Variants in PEAK1 observed in about 807,000 individuals in gnomAD.
PEAK1 encodes inactive tyrosine-protein kinase PEAK1.
In PEAK1, 54 loss-of-function variants were observed where a neutral mutation model predicts 124.7. The ratio of observed to expected loss-of-function variants is 0.43; its 90% CI spans 0.35 to 0.54. PEAK1 has a LOEUF of 0.54. Among genes scored for constraint, PEAK1 ranks in the 20% least tolerant of loss-of-function variants. The pLI, the probability that PEAK1 is intolerant of heterozygous loss-of-function variation, is 0.01. For missense variants in PEAK1, 2,046 were observed against 2,134.5 expected (o/e 0.96, Z 0.82); for synonymous variants, 719 against 760.0 (o/e 0.95, Z 0.89).
At chr15:77,413,086 T>TA (rs889137957) in intron 1 of PEAK1, among the ~76,000 whole-genome samples, 4 of 152,090 alleles carry the variant, frequency 2.6e-5, no homozygotes, top group Admixed American at 6.5e-5. Context: ...GAGGAAAATT[T>TA]AAAAAAGTAC....
chr15:77,386,825 C>T (rs568110027), intron 1 of PEAK1, among the ~76,000 whole-genome samples: 1 of 152,330 alleles, frequency 6.6e-6, no homozygotes, highest in East Asian at 1.9e-4. Context: ...GAACTGCAAA[C>T]TCATGCCTCG....
intron 5 of PEAK1, among the ~76,000 whole-genome samples, chr15:77,270,342 CCT>C (rs2061964725): frequency 6.6e-6 from 1 of 152,038 alleles, no homozygotes; most frequent in African/African-American, 2.4e-5. Flanking sequence ...TCAAATTGTC[CCT>C]GTTTGCAGAT....
At chr15:77,264,327 A>T (rs901733654) in intron 5 of PEAK1, among the ~76,000 whole-genome samples, 2 of 152,186 alleles carry the variant, frequency 1.3e-5, no homozygotes, top group Non-Finnish European at 2.9e-5. Context: ...CCCTGTTTGC[A>T]GATGACATGA....
At chr15:77,124,318 C>A (rs2052185233) in intron 9 of PEAK1, among the ~76,000 whole-genome samples, 1 of 152,218 alleles carries the variant, frequency 6.6e-6, no homozygotes, top group African/African-American at 2.4e-5. Context: ...TAAATCAAGT[C>A]TATGACCACA....
At chr15:77,170,053 T>A (rs1169630743) in intron 7 of PEAK1, among the ~76,000 whole-genome samples, 4 of 152,180 alleles carry the variant, frequency 2.6e-5, no homozygotes, top group Non-Finnish European at 5.9e-5. Flanking sequence ...TGATACCCGA[T>A]GATGTTTAGC....
At chr15:77,333,463 A>G (rs908524825) in intron 2 of PEAK1, 2 of 913,520 alleles carry the variant, frequency 2.2e-6, no homozygotes, top group African/African-American at 3.6e-5. Context: ...ACAACTATAT[A>G]AGCTTATCTA....
chr15:77,234,194 T>C (rs1238503948), intron 6 of PEAK1, among the ~76,000 whole-genome samples: 4 of 152,200 alleles, frequency 2.6e-5, no homozygotes, highest in Non-Finnish European at 5.9e-5. Flanking sequence ...CTGTAAACCT[T>C]ATGCATAAAA....
At chr15:77,333,402 T>C in intron 2 of PEAK1, 3 of 978,400 alleles carry the variant, frequency 3.1e-6, no homozygotes, top group Non-Finnish European at 3.6e-6. Flanking sequence ...TCTAACTGAG[T>C]AGAAGTCTGG....
intron 6 of PEAK1, among the ~76,000 whole-genome samples, chr15:77,207,543 C>T (rs530793221): frequency 2.0e-5 from 3 of 152,070 alleles, no homozygotes; most frequent in Non-Finnish European, 4.4e-5. Context: ...CTTGAATGCA[C>T]ATTATTAAGT....
intron 6 of PEAK1, among the ~76,000 whole-genome samples, chr15:77,203,222 C>G (rs12900110): frequency 0.36 from 54,637 of 150,958 alleles, 10,022 homozygotes; most frequent in Non-Finnish European, 0.38. Context: ...TGGAAGGGGA[C>G]GTAAGAGAGG....
chr15:77,335,225 C>G (rs12324016), intron 2 of PEAK1: 376,702 of 985,128 alleles, frequency 0.38, 72,865 homozygotes, highest in Non-Finnish European at 0.39. Context: ...GATTCTCCTT[C>G]AGGGGCTCCT....
At chr15:77,395,496 T>G (rs1040603491) in intron 1 of PEAK1, among the ~76,000 whole-genome samples, 1 of 151,958 alleles carries the variant, frequency 6.6e-6, no homozygotes, top group Non-Finnish European at 1.5e-5. Flanking sequence ...TAAGACTACC[T>G]CAAGACATTT....
chr15:77,365,359 A>G (rs889044420), intron 1 of PEAK1, 134 bp from the exon 2 acceptor site: 1 of 175,062 alleles, frequency 5.7e-6, no homozygotes, highest in Admixed American at 6.5e-5. Flanking sequence ...TGTTCTTTAG[A>G]TATCTATAGA....
intron 6 of PEAK1, among the ~76,000 whole-genome samples, chr15:77,232,697 C>A (rs2059958145): frequency 6.6e-6 from 1 of 152,184 alleles, no homozygotes; most frequent in Non-Finnish European, 1.5e-5. Flanking sequence ...TGGCCAGGAT[C>A]TCATCCACTT....
chr15:77,336,271 T>G (rs1370968002), intron 2 of PEAK1: 6 of 985,276 alleles, frequency 6.1e-6, no homozygotes, highest in Non-Finnish European at 7.2e-6. Context: ...CATTTACATC[T>G]TGCAGAACTA....
chr15:77,419,707 T>TG (rs1381167040), intron 1 of PEAK1: 22 of 975,366 alleles, frequency 2.3e-5, no homozygotes, highest in Non-Finnish European at 2.4e-5. Flanking sequence ...TTCCTTCCTC[T>TG]GGGGGGCGTC....
intron 6 of PEAK1, among the ~76,000 whole-genome samples, chr15:77,211,073 A>C (rs1267797489): frequency 6.6e-6 from 1 of 152,132 alleles, no homozygotes; most frequent in Non-Finnish European, 1.5e-5. Context: ...CTCTTTTTGT[A>C]AAGAAAGTTT....
rs554504637 is a variant in PEAK1, at chr15:77,248,894, G to A, written c.-115+3473C>T. Among the ~76,000 whole-genome samples the A allele has an allele frequency of 1.5e-3, 224 of 152,098 alleles. 1 individual carries two copies. Among genetic ancestry groups the A allele is most frequent in the African/African-American group, 5.3e-3 (218 of 41,484 alleles). ...GGATGGAGTGCAGTGGTGCCATCTCGGCTCACCGCAGCCTCTGCCTCCTGG... is the reference window on the plus strand; with the variant it reads ...GGATGGAGTGCAGTGGTGCCATCTCAGCTCACCGCAGCCTCTGCCTCCTGG... On this transcript the variant is annotated intron_variant, in intron 6 of 9. Transcript: ENST00000682557.
chr15:77,155,909 C>T (rs2152780001), intron 8 of PEAK1: 1 of 153,078 alleles, frequency 6.5e-6, no homozygotes, highest in East Asian at 1.9e-4. Flanking sequence ...CAGTCTGCCC[C>T]TACTGGGGGA....
Sources: allele counts gnomAD v4.1 joint callset (sites outside exome capture counted in the v4.1 genomes callset), GRCh38; gene constraint gnomAD v4.1.1; transcripts MANE v1.5; gene names NCBI Gene and HGNC (gene_info 2026-07-23, HGNC 2026-07-21).